PDE6B: variants seen among roughly 807,000 people sequenced by gnomAD.
The protein encoded by PDE6B is rod cGMP-specific 3',5'-cyclic phosphodiesterase subunit beta.
PDE6B carries 106 observed loss-of-function variants against 109.0 expected under a neutral mutation model. That is an observed-to-expected ratio of 0.97 (90% CI 0.83 to 1.14). The LOEUF is 1.14. Among genes scored for constraint, PDE6B ranks in the 50% most tolerant of loss-of-function variants. The probability of loss-of-function intolerance (pLI) is 0.00; values close to 1 mark genes in which losing one functional copy is unlikely to be tolerated. For synonymous variants in PDE6B, 490 were observed against 471.3 expected (o/e 1.04, Z -0.51); for missense variants, 1,193 against 1,155.6 (o/e 1.03, Z -0.47).
At chr4:651,271 A>ACGG (rs1735523591) in intron 3 of PDE6B, among the ~76,000 whole-genome samples, 6 of 148,288 alleles carry the variant, frequency 4.0e-5, no homozygotes, top group Non-Finnish European at 7.6e-5. Context: ...GGCGATGTCA[A>ACGG]CAGCAGTGGG....
At chr4:669,944 T>C in intron 21 of PDE6B, 102 bp from the exon 22 acceptor site, 1 of 955,772 alleles carries the variant, frequency 1.0e-6, no homozygotes. Context: ...GTGCTGTCCT[T>C]CCTCCTGCAG....
intron 6 of PDE6B, 122 bp downstream of exon 6, chr4:655,010 C>T (rs574216887): frequency 8.0e-6 from 6 of 745,652 alleles, no homozygotes; most frequent in African/African-American, 6.8e-5. Flanking sequence ...CCGGCCTGGC[C>T]TGGCCCCACC....
At chr4:657,682 G>A (rs1433454390) in intron 10 of PDE6B, among the ~76,000 whole-genome samples, 188 bp downstream of exon 10, 4 of 140,728 alleles carry the variant, frequency 2.8e-5, no homozygotes, top group East Asian at 2.2e-4. Flanking sequence ...ACGGCTGTGC[G>A]GTGGGGGCAG....
intron 3 of PDE6B, among the ~76,000 whole-genome samples, chr4:647,105 G>A (rs1560111221): frequency 1.3e-5 from 2 of 151,908 alleles, no homozygotes; most frequent in East Asian, 1.9e-4. Context: ...TGAACTGCCC[G>A]CCTCAGCCTC....
At chr4:654,461 G>A in intron 5 of PDE6B, 1 of 602,338 alleles carries the variant, frequency 1.7e-6, no homozygotes. Flanking sequence ...CGTGTAGGAT[G>A]CGTGTGTGTG....
chr4:652,523 C>A, intron 3 of PDE6B: 1 of 983,002 alleles, frequency 1.0e-6, no homozygotes, highest in Non-Finnish European at 1.2e-6. Context: ...GCGGCCACCA[C>A]TGCCGTTAAC....
intron 21 of PDE6B, 88 bp downstream of exon 21, chr4:668,094 G>C: frequency 7.4e-7 from 1 of 1,345,958 alleles, no homozygotes; most frequent in Non-Finnish European, 1.0e-6. Context: ...GAGTTAAAAT[G>C]GAGAAAAGCA....
chr4:638,806 C>T (rs1016607743), intron 3 of PDE6B, among the ~76,000 whole-genome samples: 1 of 152,156 alleles, frequency 6.6e-6, no homozygotes, highest in Non-Finnish European at 1.5e-5. Context: ...TTCACAGGAT[C>T]TTCTTTCATT....
At chr4:630,612 G>A (rs1251966316) in intron 1 of PDE6B, among the ~76,000 whole-genome samples, 2 of 152,220 alleles carry the variant, frequency 1.3e-5, no homozygotes, top group Non-Finnish European at 2.9e-5. Flanking sequence ...GGAGCCCCTG[G>A]GCTGGGCCAG....
chr4:653,179 C>T (rs1577268806), intron 3 of PDE6B: 12 of 999,168 alleles, frequency 1.2e-5, no homozygotes, highest in Admixed American at 1.0e-4. Context: ...GCTAGGACAC[C>T]GCAGCGGAGG....
At position 625,977 on chromosome 4, in the gene PDE6B, C is replaced by T. The variant is rs747455507; in HGVS notation, c.351C>T (p.Ser117=). The change falls in exon 1 of 22, where the codon AGC becomes AGT. Residue 117 remains serine (S), a synonymous_variant. Transcript: ENST00000496514. This position sits in a 1 kb window ranked among gnomAD's most constrained non-coding sequence, Gnocchi z 5.0. Reference sequence around the variant, plus strand: ...GGCTTTTCAGCGTGCAGCCGGACAGCGTCCTGGAGGACTGCCTGGTGCCCC... The same window carrying T: ...GGCTTTTCAGCGTGCAGCCGGACAGTGTCCTGGAGGACTGCCTGGTGCCCC... The part of the protein sequence containing the change: ...ATRLFSVQPD[S]VLEDCLVPPD... 8.8e-6 allele frequency: 14 copies of T among 1,582,448 alleles called. No individual in the cohort carries two copies. In the East Asian group the frequency reaches 1.2e-4, roughly 13 times the overall value.
At chr4:651,293 C>T (rs1270922065) in intron 3 of PDE6B, among the ~76,000 whole-genome samples, 2 of 151,342 alleles carry the variant, frequency 1.3e-5, no homozygotes, top group Admixed American at 6.6e-5. Context: ...CCGTCACAGG[C>T]GGGGCAGGGG....
rs1735320514 is a variant in PDE6B at position 648,499 on chromosome 4, A to C, written c.712-5353A>C. 6.6e-6 allele frequency among the ~76,000 whole-genome samples: 1 copy of C among 152,160 alleles called. No individual in the cohort carries two copies. Among genetic ancestry groups the C allele is most frequent in the South Asian group, 2.1e-4 (1 of 4,828 alleles). On this transcript the variant is annotated intron_variant, in intron 3 of 21. Transcript: ENST00000496514. This position sits in a 1 kb window ranked among gnomAD's most constrained non-coding sequence, Gnocchi z 4.5. ...TGTGGAAGGAAAGCTGGTCACTGGGATTGAAGCAGCCTCTGGGCGCTCCCC... is the reference window on the plus strand; with the variant it reads ...TGTGGAAGGAAAGCTGGTCACTGGGCTTGAAGCAGCCTCTGGGCGCTCCCC...
Position 658,940 on chromosome 4 carries a change from G to A in PDE6B, c.1402-12G>A. The A allele has an allele frequency of 6.2e-7, 1 of 1,604,422 alleles. No individual in the cohort carries two copies. Among genetic ancestry groups the A allele is most frequent in the Non-Finnish European group, 8.5e-7 (1 of 1,171,590 alleles). On this transcript the variant is annotated splice_polypyrimidine_tract_variant and intron_variant, in intron 10 of 21. Transcript: ENST00000496514. ...AAGCTCTTTCTCGTGACACATCTGT[G>A]TCTCTGTGTAGCCAACCAGAGCGCG...
rs1161979654 is a variant in PDE6B, at chr4:660,526, G to A, written c.1527G>A (p.Leu509=). ...FDIYEFHFSD[L]ECTELDLVKC... ...TCTACGAATTCCACTTCTCTGACCT[G>A]GAGTGCACCGAACTGGACCTGGTCA... Residue 509 remains leucine, a synonymous_variant, in exon 12 of 22, where the codon CTG becomes CTA. Coordinates refer to ENST00000496514, the MANE Select transcript of PDE6B (RefSeq NM_000283.4). 2 of 1,613,670 alleles carry A rather than the reference G, an allele frequency of 1.2e-6. No homozygotes were observed. The highest frequency in any genetic ancestry group is 1.7e-6 in the Non-Finnish European group (2 of 1,179,694).
intron 1 of PDE6B, among the ~76,000 whole-genome samples, chr4:630,636 C>G (rs1734339675): frequency 6.6e-6 from 1 of 152,144 alleles, no homozygotes. Flanking sequence ...CTCGCAGAAG[C>G]CTGACAAGGT....
rs1285673427 is a variant in PDE6B at position 655,940 on chromosome 4, C to T, written c.993C>T (p.Pro331=). ...LHGKEEIKVI[P]TPSADHWALA... ...TCTGACCCCTGCTCTCTGCCCACAG[C>T]ACACCCTCAGCCGATCACTGGGCCC... The change falls in exon 7 of 22, where the codon CCC becomes CCT. Residue 331 remains proline, a splice_region_variant and synonymous_variant. Coordinates refer to ENST00000496514, the MANE Select transcript of PDE6B (RefSeq NM_000283.4). The T allele has an allele frequency of 1.9e-6, 3 of 1,605,230 alleles. No homozygotes were observed. The African/African-American group carries it at 4.0e-5, about 21-fold the overall frequency.
rs371134814 is a variant in PDE6B at position 656,981 on chromosome 4, A to G, written c.1215A>G (p.Lys405=). ...GAGTCGCCACATTTTACAACAGGAA[A>G]GACGGGAAGCCCTTTGACGAACAGG... ...IVGVATFYNR[K]DGKPFDEQDE... is the part of the protein sequence containing the mutation. The change falls in exon 9 of 22, where the codon AAA becomes AAG. Residue 405 remains lysine (K), a synonymous_variant. Transcript: ENST00000496514. The G allele has an allele frequency of 3.2e-5, 52 of 1,613,210 alleles. No homozygotes were observed. The highest frequency in any genetic ancestry group is 4.2e-5 in the Non-Finnish European group (49 of 1,179,972).
chr4:663,597 C>G lies in PDE6B; in HGVS notation c.1921-173C>G. The G allele has an allele frequency of 1.5e-6, 1 of 651,498 alleles. No homozygotes were observed. Among genetic ancestry groups the G allele is most frequent in the Non-Finnish European group, 2.8e-6 (1 of 360,152 alleles). 40.4% of individuals were successfully genotyped at this position (651,498 alleles called of 1,614,324 possible). On this transcript the variant is annotated intron_variant, in intron 15 of 21. Coordinates refer to ENST00000496514, the MANE Select transcript of PDE6B (RefSeq NM_000283.4). The surrounding 1 kb of genome is among the most constrained non-coding windows in gnomAD (Gnocchi z 4.0). ...CGACGATGGAGCCGCTGGTGGAGAG[C>G]TGGGCACCCTGAGGAGGGCCCTGAG...
Sources: gnomAD v4.1 joint callset for allele counts (sites outside exome capture counted in the v4.1 genomes callset) on GRCh38, gnomAD v4.1.1 for gene constraint, Gnocchi (gnomAD v3.1) non-coding constraint, MANE v1.5 for transcripts, NCBI Gene and HGNC (gene_info 2026-07-23, HGNC 2026-07-21) for gene names.